GRIN2C: variants seen among roughly 807,000 people sequenced by gnomAD.
GRIN2C encodes glutamate ionotropic receptor NMDA type subunit 2C.
A neutral mutation model predicts 77.7 loss-of-function variants in GRIN2C; 64 were observed. The ratio of observed to expected loss-of-function variants is 0.82; its 90% confidence interval spans 0.67 to 1.01. The LOEUF (loss-of-function observed/expected upper bound fraction) is 1.01, where lower values mean the gene tolerates loss of function less well. Ranked by LOEUF, GRIN2C falls within the 50% of genes least tolerant of loss-of-function variation. The pLI is 0.00. For missense variants in GRIN2C, 1,549 were observed against 1,486.0 expected, an observed-to-expected ratio of 1.04 and a Z score of -0.70; for synonymous variants, 792 against 643.4, an observed-to-expected ratio of 1.23 and a Z score of -3.49.
chr17:74,843,701 C>G, intron 12 of GRIN2C, 148 bp from the exon 13 acceptor site: 1 of 1,051,570 alleles, frequency 9.5e-7, no homozygotes, highest in South Asian at 1.6e-5. Flanking sequence ...GCGCCAGGCA[C>G]TGTGCTTTGC....
rs2037346188 is a variant in GRIN2C at position 74,843,093 on chromosome 17, AG to A, written c.3043del (p.Leu1015SerfsTer196). 1 of 455,398 alleles carries A rather than the reference AG, an allele frequency of 2.2e-6. No homozygotes were observed. The highest frequency in any genetic ancestry group is 2.1e-5 in the African/African-American group (1 of 48,534). The allele number at this position is 455,398 out of a possible 1,614,324, so 28.2% of individuals were successfully genotyped here. ...CGACAGGGGCCGCTCGGAGGCCGAG[AG>A]GTGCCTCCCGCAGTGCCCGGTCCGC... ...PVRTGHCGRH[L>X]SASERPLSPA... On this transcript the variant is annotated frameshift_variant, in exon 13 of 13. Coordinates refer to ENST00000293190, the MANE Select transcript of GRIN2C (RefSeq NM_000835.6). LOFTEE classifies it low-confidence loss of function (END_TRUNC).
At chr17:74,843,657 C>T in intron 12 of GRIN2C, 104 bp from the exon 13 acceptor site, 1 of 1,417,242 alleles carries the variant, frequency 7.1e-7, no homozygotes, top group South Asian at 1.3e-5. Context: ...TTCTATAAGT[C>T]TCAGGAAGTA....
chr17:74,850,628 C>A lies in GRIN2C; in HGVS notation c.1253G>T (p.Ser418Ile). ...LEERPFVIVESPDPGTGGCVP... is the reference protein window; with the variant it reads ...LEERPFVIVEIPDPGTGGCVP... ...ACAGCCTCCTGTGCCAGGGTCAGGG[C>A]TCTCCACGATGACAAAGGGCCGCTC... Residue 418 changes from serine (S) to isoleucine (I), a missense_variant, in exon 5 of 13, where the codon AGC (serine) becomes ATC (isoleucine). Physicochemically the swap from Ser to Ile is moderately radical, Grantham distance 142. Coordinates refer to ENST00000293190, the MANE Select transcript of GRIN2C (RefSeq NM_000835.6). The surrounding 1 kb of genome is among the most constrained non-coding windows in gnomAD (Gnocchi z 5.3). 1.2e-6 allele frequency: 2 copies of A among 1,613,676 alleles called. No homozygotes were observed. Among genetic ancestry groups the A allele is most frequent in the Non-Finnish European group, 1.7e-6 (2 of 1,180,016 alleles).
rs1249149877 is a variant in GRIN2C, at chr17:74,852,582, G to A, written c.429C>T (p.Gly143=). ...CCTGCAGCTGCTGCTCCAGGGACAC[G>A]CCCAGCTGCAGGAAGGCGGAGCCCG... The part of the protein sequence containing the change: ...KEPGSAFLQL[G]VSLEQQLQVL... Residue 143 remains glycine (G), a synonymous_variant, in exon 3 of 13, where the codon GGC becomes GGT. Transcript: ENST00000293190. The A allele has an allele frequency of 2.1e-6, 3 of 1,450,346 alleles. No individual in the cohort carries two copies. The highest frequency in any genetic ancestry group is 2.7e-6 in the Non-Finnish European group (3 of 1,098,392). The allele number at this position is 1,450,346 out of a possible 1,614,324, so 89.8% of individuals were successfully genotyped here.
chr17:74,854,601 C>T, intron 2 of GRIN2C, 93 bp downstream of exon 2: 1 of 1,027,718 alleles, frequency 9.7e-7, no homozygotes, highest in Non-Finnish European at 1.5e-6. Context: ...CCTGCCCATC[C>T]CGTCTAATCC....
chr17:74,848,861 A>G (rs2037541188), intron 7 of GRIN2C, among the ~76,000 whole-genome samples: 1 of 152,144 alleles, frequency 6.6e-6, no homozygotes, highest in Admixed American at 6.5e-5. Context: ...TACACAAAAT[A>G]CAAAAATTAG....
chr17:74,858,219 A>G (rs1225986301), intron 1 of GRIN2C, among the ~76,000 whole-genome samples: 2 of 152,080 alleles, frequency 1.3e-5, no homozygotes, highest in African/African-American at 2.4e-5. Flanking sequence ...GCTCATTCAC[A>G]TGAAGGAATA....
intron 12 of GRIN2C, among the ~76,000 whole-genome samples, chr17:74,843,844 G>A (rs1327332977): frequency 6.6e-6 from 1 of 151,524 alleles, no homozygotes; most frequent in Non-Finnish European, 1.5e-5. Context: ...CTGCCACCCT[G>A]GTGAGCCATG....
At position 74,850,807 on chromosome 17, in the gene GRIN2C, T is replaced by C. The variant is rs2037618871; in HGVS notation, c.1114-40A>G. The C allele has an allele frequency of 2.0e-6, 3 of 1,522,408 alleles. No individual in the cohort carries two copies. The highest frequency in any genetic ancestry group is 2.7e-5 in the African/African-American group (2 of 73,068). The allele number at this position is 1,522,408 out of a possible 1,614,324, so 94.3% of individuals were successfully genotyped here. A position where few individuals can be genotyped will look rare whatever the true frequency, so the allele number is the denominator to read the frequency against. On this transcript the variant is annotated intron_variant, in intron 4 of 12. Coordinates refer to ENST00000293190, the MANE Select transcript of GRIN2C (RefSeq NM_000835.6). The surrounding 1 kb of genome is among the most constrained non-coding windows in gnomAD (Gnocchi z 5.3). Reference sequence around the variant, plus strand: ...AGCCTCAGCCTGGGGCCTCCAGCCCTACAGCCCCCACCCTCTAGGTGGAGC... The same window carrying C: ...AGCCTCAGCCTGGGGCCTCCAGCCCCACAGCCCCCACCCTCTAGGTGGAGC...
In GRIN2C at chr17:74,852,446, TGGCGTC is replaced by T; in HGVS notation, c.559_564del (p.Asp187_Ala188del). The T allele has an allele frequency of 6.5e-7, 1 of 1,543,504 alleles. No homozygotes were observed. Among genetic ancestry groups the T allele is most frequent in the Non-Finnish European group, 8.7e-7 (1 of 1,155,348 alleles). On this transcript the variant is annotated inframe_deletion, in exon 3 of 13. Coordinates refer to ENST00000293190, the MANE Select transcript of GRIN2C (RefSeq NM_000835.6). ...TCCAGCAGCCGCCAACTCACGTGGC[TGGCGTC>T]GGCGACGGCGCGCACGCCCTCCAGG...
Position 74,854,745 on chromosome 17 carries a change from A to G in GRIN2C, c.348T>C (p.His116=), listed in dbSNP as rs144762326. The G allele has an allele frequency of 1.2e-6, 2 of 1,612,414 alleles. No individual in the cohort carries two copies. Among genetic ancestry groups the G allele is most frequent in the Non-Finnish European group, 8.5e-7 (1 of 1,178,780 alleles). The change falls in exon 2 of 13, where the codon CAT becomes CAC. Residue 116 remains histidine, a synonymous_variant. Transcript: ENST00000293190. ...QILDFISSQT[H]VPILSISGGS... is the part of the protein sequence containing the mutation. ...CTCCGCTGATGCTGAGGATGGGCAC[A>G]TGGGTCTGGGAGGAGATGAAGTCAA... is the stretch of plus-strand genomic sequence containing the variant.
rs539229067 is a variant in GRIN2C at position 74,850,761 on chromosome 17, G to A, written c.1120C>T (p.Arg374Cys). 1.3e-5 allele frequency: 21 copies of A among 1,610,836 alleles called. No homozygotes were observed. The highest frequency in any genetic ancestry group is 1.1e-4 in the African/African-American group (8 of 74,944). Residue 374 changes from arginine (R) to cysteine (C), a missense_variant, in exon 5 of 13, where the codon CGC (arginine) becomes TGC (cysteine). This residue lies in a region of GRIN2C where 717 missense variants were observed against 858.1 expected (regional missense o/e 0.84). Transcript: ENST00000293190. This position sits in a 1 kb window ranked among gnomAD's most constrained non-coding sequence, Gnocchi z 5.3. ...NRHRLWEMVG[R>C]WEHGVLYMKY... ...ATGTATAGGACGCCATGCTCCCAGCGCCCCACCTGTGGAGGGTGACAGCCT... is the reference window on the plus strand; with the variant it reads ...ATGTATAGGACGCCATGCTCCCAGCACCCCACCTGTGGAGGGTGACAGCCT...
intron 1 of GRIN2C, among the ~76,000 whole-genome samples, chr17:74,857,495 C>T (rs946948906): frequency 2.6e-5 from 4 of 152,178 alleles, no homozygotes; most frequent in Non-Finnish European, 5.9e-5. Context: ...ATGTTTGAGT[C>T]TGGCAAGGGA....
Position 74,842,681 on chromosome 17 carries a change from G to A in GRIN2C, c.3456C>T (p.His1152=), listed in dbSNP as rs1245464560. 1.4e-6 allele frequency: 1 copy of A among 731,028 alleles called. No individual in the cohort carries two copies. Among genetic ancestry groups the A allele is most frequent in the Non-Finnish European group, 2.5e-6 (1 of 393,246 alleles). 45.3% of individuals were successfully genotyped at this position (731,028 alleles called of 1,614,324 possible). A position where few individuals can be genotyped will look rare whatever the true frequency, so the allele number is the denominator to read the frequency against. The part of the protein sequence containing the change: ...AWQHRQHVCL[H]AHAHLPFCWG... Reference sequence around the variant, plus strand: ...AGCAAAATGGCAGGTGGGCGTGGGCGTGCAGGCAGACGTGCTGTCTGTGCT... The same window carrying A: ...AGCAAAATGGCAGGTGGGCGTGGGCATGCAGGCAGACGTGCTGTCTGTGCT... The change falls in exon 13 of 13, where the codon CAC becomes CAT. Residue 1152 remains histidine, a synonymous_variant. Coordinates refer to ENST00000293190, the MANE Select transcript of GRIN2C (RefSeq NM_000835.6).
chr17:74,860,810 G>T, upstream of GRIN2C: 1 of 315,782 alleles, frequency 3.2e-6, no homozygotes, highest in East Asian at 1.0e-4. Flanking sequence ...AAAGGAGATG[G>T]GGCAGAGCTG....
chr17:74,843,565 G>A lies in GRIN2C; in HGVS notation c.2584-12C>T. ...CAGCTGTAGATGCCCTGGGCAGTAG[G>A]GAGACGACAGGCCGTAAGCAGCGCC... On this transcript the variant is annotated splice_polypyrimidine_tract_variant and intron_variant, in intron 12 of 12. Coordinates refer to ENST00000293190, the MANE Select transcript of GRIN2C (RefSeq NM_000835.6). The A allele has an allele frequency of 1.3e-6, 2 of 1,531,688 alleles. No homozygotes were observed. The highest frequency in any genetic ancestry group is 8.7e-7 in the Non-Finnish European group (1 of 1,145,922). 94.9% of individuals were successfully genotyped at this position (1,531,688 alleles called of 1,614,324 possible).
In GRIN2C at chr17:74,850,567, G is replaced by T; in HGVS notation, c.1314C>A (p.Asn438Lys). Reference protein sequence around the residue: ...PNTVPCRRQSNHTFSSGDVAP... With the variant: ...PNTVPCRRQSKHTFSSGDVAP... The stretch of plus-strand genomic sequence containing the variant: ...GGCCCTCCACAGACCTGAAGGTGTG[G>T]TTGCTCTGCCTGCGGCAGGGCACGG... The change falls in exon 5 of 13, where the codon AAC becomes AAA. Residue 438 changes from asparagine (N) to lysine (K), a missense_variant. Coordinates refer to ENST00000293190, the MANE Select transcript of GRIN2C (RefSeq NM_000835.6). The surrounding 1 kb of genome is among the most constrained non-coding windows in gnomAD (Gnocchi z 5.3). 6.2e-7 allele frequency: 1 copy of T among 1,613,494 alleles called. No individual in the cohort carries two copies. The highest frequency in any genetic ancestry group is 8.5e-7 in the Non-Finnish European group (1 of 1,179,854).
upstream of GRIN2C, among the ~76,000 whole-genome samples, chr17:74,861,152 ACGCTTCGCCCG>A (rs1598505014): frequency 6.6e-6 from 1 of 152,204 alleles, no homozygotes; most frequent in East Asian, 1.9e-4. Context: ...AACGTCTTGG[ACGCTTCGCCCG>A]CGTCCTTCTC....
At position 74,847,610 on chromosome 17, in the gene GRIN2C, C is replaced by T. The variant is rs1176005185; in HGVS notation, c.1772-73G>A. The stretch of plus-strand genomic sequence containing the variant: ...GAAAGGGCTCAGGGCTCAGCCCACC[C>T]GACTGCACAGCTCCGGTCTCAGCCT... On this transcript the variant is annotated intron_variant, in intron 8 of 12. Transcript: ENST00000293190. The surrounding 1 kb of genome is among the most constrained non-coding windows in gnomAD (Gnocchi z 5.2). 1.3e-5 allele frequency: 15 copies of T among 1,146,894 alleles called. No individual in the cohort carries two copies. Among genetic ancestry groups the T allele is most frequent in the African/African-American group, 1.5e-5 (1 of 65,314 alleles). 71.0% of individuals were successfully genotyped at this position (1,146,894 alleles called of 1,614,324 possible). A position where few individuals can be genotyped will look rare whatever the true frequency, so the allele number is the denominator to read the frequency against.
Sources: allele counts gnomAD v4.1 joint callset (sites outside exome capture counted in the v4.1 genomes callset), GRCh38; gene constraint gnomAD v4.1.1; regional missense constraint gnomAD v4.1.1; non-coding constraint Gnocchi (gnomAD v3.1); transcripts MANE v1.5; gene names NCBI Gene and HGNC (gene_info 2026-07-23, HGNC 2026-07-21).